The following ITGB1 variants were observed in gnomAD, a reference collection of about 807,000 sequenced individuals.
The protein encoded by ITGB1 is integrin beta-1.
A neutral mutation model predicts 86.5 loss-of-function variants in ITGB1; 24 were observed. That is an observed-to-expected ratio of 0.28 (90% CI 0.20 to 0.39). ITGB1 has a LOEUF of 0.39. Among genes scored for constraint, ITGB1 ranks in the 10% least tolerant of loss-of-function variants. The pLI is 1.00. For missense variants in ITGB1, 556 were observed against 946.9 expected (o/e 0.59, Z 5.42); for synonymous variants, 323 against 316.8 (o/e 1.02, Z -0.21).
intron 9 of ITGB1, among the ~76,000 whole-genome samples, chr10:32,920,941 C>G (rs375206474): frequency 6.6e-6 from 1 of 151,902 alleles, no homozygotes. Context: ...CAAGATCACA[C>G]CACTGCACTC....
At chr10:32,927,472 C>A (rs1005073031) in intron 5 of ITGB1, among the ~76,000 whole-genome samples, 1 of 152,140 alleles carries the variant, frequency 6.6e-6, no homozygotes, top group Non-Finnish European at 1.5e-5. Flanking sequence ...TAGATAAAAT[C>A]TGGGTATTCA....
chr10:32,925,792 A>G (rs1011521444), intron 6 of ITGB1, 79 bp downstream of exon 6: 34 of 893,112 alleles, frequency 3.8e-5, no homozygotes, highest in Middle Eastern at 2.3e-4. Flanking sequence ...CAATTTTTCT[A>G]TTATCATAGT....
intron 15 of ITGB1, among the ~76,000 whole-genome samples, chr10:32,906,059 G>GAC (rs1160142929): frequency 1.3e-5 from 2 of 151,792 alleles, no homozygotes; most frequent in Admixed American, 6.6e-5. Context: ...TACACACACA[G>GAC]ACACACACAC....
At chr10:32,930,275 C>T (rs939107320) in intron 3 of ITGB1, among the ~76,000 whole-genome samples, 2 of 152,046 alleles carry the variant, frequency 1.3e-5, no homozygotes, top group African/African-American at 4.8e-5. Context: ...CCCAAGTGTA[C>T]ACAGTAAATG....
intron 1 of ITGB1, among the ~76,000 whole-genome samples, chr10:32,941,140 TG>T (rs1593881495): frequency 6.6e-6 from 1 of 152,078 alleles, no homozygotes; most frequent in East Asian, 1.9e-4. Context: ...TGGAGAAAAG[TG>T]GAGAGAAGAT....
chr10:32,907,110 T>G, intron 15 of ITGB1: 2 of 1,355,036 alleles, frequency 1.5e-6, no homozygotes, highest in South Asian at 2.3e-5. Context: ...TTCTTGAAAT[T>G]ATTAATAGGA....
chr10:32,923,543 C>G (rs2094956130), intron 7 of ITGB1, 42 bp downstream of exon 7: 1 of 1,538,240 alleles, frequency 6.5e-7, no homozygotes, highest in Non-Finnish European at 8.8e-7. Flanking sequence ...ACATTAAAAT[C>G]CAACATAAAC....
chr10:32,912,904 ACCT>A (rs1182450173), intron 11 of ITGB1, among the ~76,000 whole-genome samples: 1 of 152,094 alleles, frequency 6.6e-6, no homozygotes, highest in Non-Finnish European at 1.5e-5. Context: ...ACTGGGAGAC[ACCT>A]CCTAGTAGGG....
At chr10:32,940,520 A>C (rs1245552595) in intron 1 of ITGB1, among the ~76,000 whole-genome samples, 2 of 152,188 alleles carry the variant, frequency 1.3e-5, no homozygotes, top group African/African-American at 4.8e-5. Flanking sequence ...GTGTTGCACT[A>C]TGACACTACA....
chr10:32,956,266 C>G (rs2095051900), intron 1 of ITGB1, among the ~76,000 whole-genome samples: 1 of 152,150 alleles, frequency 6.6e-6, no homozygotes, highest in African/African-American at 2.4e-5. Context: ...AGGTAACTGC[C>G]AACTGAAGTT....
intron 11 of ITGB1, among the ~76,000 whole-genome samples, chr10:32,917,045 A>G (rs2137188010): frequency 6.6e-6 from 1 of 152,336 alleles, no homozygotes; most frequent in East Asian, 1.9e-4. Flanking sequence ...CCACACATCT[A>G]CAACCATCTG....
intron 1 of ITGB1, among the ~76,000 whole-genome samples, chr10:32,947,756 T>C (rs1326993987): frequency 1.3e-5 from 2 of 152,244 alleles, no homozygotes; most frequent in Admixed American, 6.5e-5. Flanking sequence ...TCTACCGTTG[T>C]ACAACATTGT....
intron 1 of ITGB1, among the ~76,000 whole-genome samples, chr10:32,938,070 G>C (rs2095008515): frequency 6.6e-6 from 1 of 152,202 alleles, no homozygotes; most frequent in Non-Finnish European, 1.5e-5. Flanking sequence ...TTGCAGTTTT[G>C]CTTACATATC....
chr10:32,952,468 C>A (rs1274818098), intron 1 of ITGB1, among the ~76,000 whole-genome samples: 1 of 144,230 alleles, frequency 6.9e-6, no homozygotes, highest in East Asian at 2.0e-4. Context: ...ATAAACATGA[C>A]CCTGTACCAC....
intron 2 of ITGB1, among the ~76,000 whole-genome samples, chr10:32,934,488 T>G (rs1040051023): frequency 2.0e-5 from 3 of 152,168 alleles, no homozygotes; most frequent in African/African-American, 7.2e-5. Flanking sequence ...CAATTCCCCA[T>G]GGATACCATA....
At chr10:32,944,961 C>T (rs1309989942) in intron 1 of ITGB1, 2 of 1,128,290 alleles carry the variant, frequency 1.8e-6, no homozygotes, top group Non-Finnish European at 2.6e-6. Flanking sequence ...TTTCTACAAA[C>T]TAAAGTTCCA....
At position 32,932,649 on chromosome 10, in the gene ITGB1, G is replaced by A. The variant is rs1283236967; in HGVS notation, c.68-49C>T. ...AACATTTTATGTGAAGTGTCAGAGAGAAAATAATGAAAAATCAGAATCACA... is the reference window on the plus strand; with the variant it reads ...AACATTTTATGTGAAGTGTCAGAGAAAAAATAATGAAAAATCAGAATCACA... On this transcript the variant is annotated intron_variant, in intron 2 of 15. Transcript: ENST00000302278. The A allele has an allele frequency of 5.9e-6, 6 of 1,024,692 alleles. No homozygotes were observed. In the African/African-American group the frequency reaches 9.5e-5, roughly 16 times the overall value. 63.5% of individuals were successfully genotyped at this position (1,024,692 alleles called of 1,614,324 possible).
At chr10:32,916,557 A>G (rs150917884) in intron 11 of ITGB1, among the ~76,000 whole-genome samples, 16 of 152,316 alleles carry the variant, frequency 1.1e-4, no homozygotes, top group Middle Eastern at 6.8e-3. Context: ...ACAGACAAAC[A>G]GAGAGCCAAA....
chr10:32,929,960 T>C lies in ITGB1; in HGVS notation c.238A>G (p.Ile80Val). 1.4e-6 allele frequency: 2 copies of C among 1,402,412 alleles called. No individual in the cohort carries two copies. The highest frequency in any genetic ancestry group is 2.3e-5 in the South Asian group (2 of 86,880). The allele number at this position is 1,402,412 out of a possible 1,614,324, so 86.9% of individuals were successfully genotyped here. A position where few individuals can be genotyped will look rare whatever the true frequency, so the allele number is the denominator to read the frequency against. ...LKKKGCPPDD[I>V]ENPRGSKDIK... ...TCTTTGGAGCCTCTGGGATTTTCTA[T>C]GTCATCTGGAGGGCAACCCTTCTTT... Residue 80 changes from isoleucine (I) to valine (V), a missense_variant, in exon 4 of 16, where the codon ATA (isoleucine) becomes GTA (valine). Physicochemically the swap from Ile to Val is conservative, Grantham distance 29 (BLOSUM62 3). Around this residue, in one of 4 missense-constraint regions of ITGB1, gnomAD observed 183 missense variants for 263.9 expected, o/e 0.69. Coordinates refer to ENST00000302278, the MANE Select transcript of ITGB1 (RefSeq NM_002211.4).
Sources: allele counts gnomAD v4.1 joint callset (sites outside exome capture counted in the v4.1 genomes callset), GRCh38; gene constraint gnomAD v4.1.1; regional missense constraint gnomAD v4.1.1; transcripts MANE v1.5; gene names NCBI Gene and HGNC (gene_info 2026-07-23, HGNC 2026-07-21).